The following ABHD3 variants were observed in gnomAD, a reference collection of about 807,000 sequenced individuals.
ABHD3 encodes abhydrolase domain containing 3, phospholipase.
A neutral mutation model predicts 48.8 loss-of-function variants in ABHD3; 46 were observed. The ratio of observed to expected loss-of-function variants is 0.94; its 90% CI spans 0.74 to 1.20. The LOEUF (loss-of-function observed/expected upper bound fraction) is 1.20. ABHD3 is among the 50% of genes most tolerant of loss of function. ABHD3 has a pLI of 0.00. For synonymous variants in ABHD3, 192 were observed against 183.7 expected (o/e 1.04, Z -0.36); for missense variants, 490 against 497.8 (o/e 0.98, Z 0.15).
chr18:21,651,757 G>A lies in ABHD3; in HGVS notation c.1064C>T (p.Pro355Leu). ...AGGATTTTGCTTAGCAGTTTCTATT[G>A]GAATAGCTTCAGACCAAAAAAAACA... ...DDVFSPSHAI[P>L]IETAKQNPNV... The change falls in exon 9 of 9, where the codon CCA becomes CTA. Residue 355 changes from proline to leucine, a missense_variant. Transcript: ENST00000289119. 2 of 1,544,304 alleles carry A rather than the reference G, an allele frequency of 1.3e-6. No individual in the cohort carries two copies. Among genetic ancestry groups the A allele is most frequent in the Non-Finnish European group, 1.7e-6 (2 of 1,143,218 alleles).
intron 4 of ABHD3, among the ~76,000 whole-genome samples, chr18:21,673,960 A>T (rs2039816656): frequency 6.6e-6 from 1 of 152,082 alleles, no homozygotes; most frequent in African/African-American, 2.4e-5. Context: ...GCCAGAGTTG[A>T]GAACCTCTGC....
intron 4 of ABHD3, among the ~76,000 whole-genome samples, chr18:21,676,094 G>A (rs2039876202): frequency 6.6e-6 from 1 of 152,118 alleles, no homozygotes; most frequent in Non-Finnish European, 1.5e-5. Context: ...CAAAGGCCGT[G>A]CCTCCTAATA....
intron 5 of ABHD3, among the ~76,000 whole-genome samples, chr18:21,661,102 T>TAAAAAAAAA (rs35710540): frequency 3.5e-5 from 2 of 57,218 alleles, no homozygotes; most frequent in East Asian, 5.6e-4. Flanking sequence ...AACTACAAGC[T>TAAAAAAAAA]AAAAAAAAAA....
At chr18:21,675,140 T>C (rs2039848366) in intron 4 of ABHD3, among the ~76,000 whole-genome samples, 1 of 151,996 alleles carries the variant, frequency 6.6e-6, no homozygotes, top group Non-Finnish European at 1.5e-5. Context: ...AAGCCAGTAC[T>C]GAAAGGTCAA....
intron 6 of ABHD3, 99 bp from the exon 7 acceptor site, chr18:21,657,251 CA>C (rs2039378340): frequency 2.8e-6 from 3 of 1,065,850 alleles, no homozygotes; most frequent in Non-Finnish European, 4.0e-6. Flanking sequence ...TACCACAGGG[CA>C]CAAAGTTGGC....
chr18:21,680,076 C>T (rs1009696612), intron 4 of ABHD3, among the ~76,000 whole-genome samples: 3 of 152,022 alleles, frequency 2.0e-5, no homozygotes, highest in East Asian at 1.9e-4. Flanking sequence ...TGCAGTGATG[C>T]CATCTTGGCT....
chr18:21,704,695 G>C lies in ABHD3; in HGVS notation c.-30C>G, dbSNP rs768930288. ...CCCGAGCGCGGCGCGCGGGTCCTGC[G>C]GCGGGAGGAGAGCCGGCTGGCGAGC... is the stretch of plus-strand genomic sequence containing the variant. On this transcript the variant is annotated 5_prime_UTR_variant, in exon 1 of 9. Coordinates refer to ENST00000289119, the MANE Select transcript of ABHD3 (RefSeq NM_138340.5). 2.1e-6 allele frequency: 3 copies of C among 1,427,534 alleles called. No homozygotes were observed. The highest frequency in any genetic ancestry group is 2.8e-6 in the Non-Finnish European group (3 of 1,086,342). 88.4% of individuals were successfully genotyped at this position (1,427,534 alleles called of 1,614,324 possible). A position where few individuals can be genotyped will look rare whatever the true frequency, so the allele number is the denominator to read the frequency against.
At chr18:21,668,380 AAT>A (rs2039685606) in intron 4 of ABHD3, among the ~76,000 whole-genome samples, 1 of 152,048 alleles carries the variant, frequency 6.6e-6, no homozygotes. Context: ...ATTATTTATG[AAT>A]AGTCCCCAAT....
chr18:21,657,841 T>A (rs144310923), intron 6 of ABHD3, among the ~76,000 whole-genome samples: 3,230 of 152,122 alleles, frequency 0.021, 127 homozygotes, highest in African/African-American at 0.073. Context: ...CTCATAAATA[T>A]ATACACCTAC....
At chr18:21,655,993 C>CT (rs1458383500) in intron 8 of ABHD3, among the ~76,000 whole-genome samples, 17 of 145,656 alleles carry the variant, frequency 1.2e-4, no homozygotes, top group African/African-American at 3.0e-4. Context: ...CCCATCTCTA[C>CT]AAAAATACAA....
chr18:21,659,387 A>G (rs1414745664), intron 5 of ABHD3, 44 bp from the exon 6 acceptor site: 1 of 1,557,680 alleles, frequency 6.4e-7, no homozygotes, highest in Non-Finnish European at 8.7e-7. Flanking sequence ...AATTTGTTGT[A>G]TCACAGAAGA....
Position 21,659,186 on chromosome 18 carries a change from G to T in ABHD3, c.826C>A (p.Gln276Lys), listed in dbSNP as rs1446930111. Residue 276 changes from glutamine (Q) to lysine (K), a missense_variant, in exon 6 of 9, where the codon CAG becomes AAG. Transcript: ENST00000289119. ...LFNYYLTTCL[Q>K]SSVNKHRHMF... ...ATGACTCACTTATTAACTGAAGACT[G>T]AAGGCAGGTTGTCAAATAGTAATTA... The T allele has an allele frequency of 6.2e-7, 1 of 1,613,552 alleles. No individual in the cohort carries two copies. Among genetic ancestry groups the T allele is most frequent in the South Asian group, 1.1e-5 (1 of 90,918 alleles).
At chr18:21,698,728 C>G (rs1172977909) in intron 3 of ABHD3, among the ~76,000 whole-genome samples, 1 of 151,878 alleles carries the variant, frequency 6.6e-6, no homozygotes, top group East Asian at 2.0e-4. Flanking sequence ...AGGTGTCCAC[C>G]ACCACATCCA....
Position 21,704,651 on chromosome 18 carries a change from G to C in ABHD3, c.15C>G (p.Ala5=). ...CCCGGGACAACATCCGCAGGTCCATGGCCAGGCGCTGCATGGCCCCCGAGC... is the reference window on the plus strand; with the variant it reads ...CCCGGGACAACATCCGCAGGTCCATCGCCAGGCGCTGCATGGCCCCCGAGC... MQRL[A]MDLRMLSREL... The change falls in exon 1 of 9, where the codon GCC becomes GCG. Residue 5 remains alanine (A), a synonymous_variant. Coordinates refer to ENST00000289119, the MANE Select transcript of ABHD3 (RefSeq NM_138340.5). 1 of 1,523,886 alleles carries C rather than the reference G, an allele frequency of 6.6e-7. No individual in the cohort carries two copies. Among genetic ancestry groups the C allele is most frequent in the South Asian group, 1.2e-5 (1 of 80,710 alleles). The allele number at this position is 1,523,886 out of a possible 1,614,324, so 94.4% of individuals were successfully genotyped here. A position where few individuals can be genotyped will look rare whatever the true frequency, so the allele number is the denominator to read the frequency against.
intron 1 of ABHD3, 75 bp downstream of exon 1, chr18:21,704,429 G>A: frequency 4.0e-6 from 5 of 1,243,068 alleles, no homozygotes; most frequent in Non-Finnish European, 5.1e-6. Flanking sequence ...GCCCCTGGCC[G>A]CGCAGCCTCG....
intron 4 of ABHD3, among the ~76,000 whole-genome samples, chr18:21,674,388 C>G (rs7238114): frequency 1.3e-5 from 2 of 151,624 alleles, no homozygotes; most frequent in African/African-American, 4.8e-5. Context: ...ACTACAGGCA[C>G]GTGCCACCAT....
At chr18:21,701,537 G>A (rs895957633) in intron 3 of ABHD3, 12 of 151,972 alleles carry the variant, frequency 7.9e-5, no homozygotes, top group African/African-American at 2.9e-4. Context: ...CTTACCATCA[G>A]CTTTTCACAC....
rs780116341 is a variant in ABHD3, at chr18:21,704,688, G to A, written c.-23C>T. 4 of 1,428,280 alleles carry A rather than the reference G, an allele frequency of 2.8e-6. No homozygotes were observed. The highest frequency in any genetic ancestry group is 2.9e-5 in the South Asian group (2 of 68,186). The allele number at this position is 1,428,280 out of a possible 1,614,324, so 88.5% of individuals were successfully genotyped here. ...CATGGCCCCCGAGCGCGGCGCGCGG[G>A]TCCTGCGGCGGGAGGAGAGCCGGCT... is the stretch of plus-strand genomic sequence containing the variant. On this transcript the variant is annotated 5_prime_UTR_variant, in exon 1 of 9. Transcript: ENST00000289119.
chr18:21,684,826 T>C (rs908474218), intron 3 of ABHD3, among the ~76,000 whole-genome samples: 6 of 152,150 alleles, frequency 3.9e-5, no homozygotes, highest in Admixed American at 3.3e-4. Context: ...ATGGGCCCCA[T>C]TATGCTACTG....
Sources: gnomAD v4.1 joint callset for allele counts (sites outside exome capture counted in the v4.1 genomes callset) on GRCh38, gnomAD v4.1.1 for gene constraint, MANE v1.5 for transcripts, NCBI Gene and HGNC (gene_info 2026-07-23, HGNC 2026-07-21) for gene names.